PLAGL1: variants seen among roughly 807,000 people sequenced by gnomAD.
PLAGL1 encodes PLAG1 like zinc finger 1, also known as zinc finger protein PLAGL1.
A neutral mutation model predicts 4.6 loss-of-function variants in PLAGL1; 1 was observed. The observed-to-expected ratio is 0.22, with a 90% CI of 0.08 to 1.03. The LOEUF is 1.03. Among genes scored for constraint, PLAGL1 ranks in the 50% least tolerant of loss-of-function variants. PLAGL1 has a pLI of 0.58. For missense variants in PLAGL1, 464 were observed against 570.4 expected (o/e 0.81, Z 1.90); for synonymous variants, 240 against 237.8 (o/e 1.01, Z -0.08).
Position 143,970,666 on chromosome 6 carries a change from C to T in PLAGL1, c.-543-1688G>A, listed in dbSNP as rs972487928. 2.0e-5 allele frequency among the ~76,000 whole-genome samples: 3 copies of T among 152,104 alleles called. No individual in the cohort carries two copies. Among genetic ancestry groups the T allele is most frequent in the African/African-American group, 4.8e-5 (2 of 41,410 alleles). On this transcript the variant is annotated intron_variant, in intron 2 of 7. Transcript: ENST00000674357. The surrounding 1 kb of genome is among the most constrained non-coding windows in gnomAD (Gnocchi z 5.8). ...ATTTTTCTACTAGGAAGTTAGCTTA[C>T]GTAGATTAACACACATGTAAACACA...
intron 6 of PLAGL1, among the ~76,000 whole-genome samples, chr6:143,956,037 G>C (rs1021121361): frequency 6.6e-6 from 1 of 152,236 alleles, no homozygotes; most frequent in Non-Finnish European, 1.5e-5. Context: ...GGCCAGCAAG[G>C]AGACGTGAAG....
In PLAGL1 at chr6:144,006,746, T is replaced by C. The variant is rs1365081556; in HGVS notation, c.-584+1344A>G. The C allele has an allele frequency of 6.6e-6, 1 of 152,224 alleles. No individual in the cohort carries two copies. The highest frequency in any genetic ancestry group is 1.5e-5 in the Non-Finnish European group (1 of 68,042). 9.4% of individuals were successfully genotyped at this position (152,224 alleles called of 1,614,324 possible). On this transcript the variant is annotated intron_variant, in intron 1 of 7. Coordinates refer to ENST00000674357, the MANE Select transcript of PLAGL1 (RefSeq NM_001317162.2). The surrounding 1 kb of genome is among the most constrained non-coding windows in gnomAD (Gnocchi z 4.3). ...TCTGCCATTACAGTCAACCTTCTTGTACACGTCTGCTTGTGGACATGTATT... is the reference window on the plus strand; with the variant it reads ...TCTGCCATTACAGTCAACCTTCTTGCACACGTCTGCTTGTGGACATGTATT...
rs1554268522 is a variant in PLAGL1, at chr6:143,997,857, CG to C, written c.-584+10232del. On this transcript the variant is annotated intron_variant, in intron 1 of 7. Coordinates refer to ENST00000674357, the MANE Select transcript of PLAGL1 (RefSeq NM_001317162.2). The surrounding 1 kb of genome is among the most constrained non-coding windows in gnomAD (Gnocchi z 4.6). ...TCTTGAATGTGGTTACACAGGTGTG[CG>C]TATGTGTGTGTGTGTATAAACTCAT... Among the ~76,000 whole-genome samples the C allele has an allele frequency of 6.6e-6, 1 of 151,926 alleles. No individual in the cohort carries two copies. Among genetic ancestry groups the C allele is most frequent in the Non-Finnish European group, 1.5e-5 (1 of 67,996 alleles).
chr6:144,059,616 T>C lies in PLAGL1; in HGVS notation c.-151+4852A>G, dbSNP rs1230360114. Among the ~76,000 whole-genome samples, 1 of 152,242 alleles carries C rather than the reference T, an allele frequency of 6.6e-6. No homozygotes were observed. The highest frequency in any genetic ancestry group is 1.5e-5 in the Non-Finnish European group (1 of 68,036). ...TTGTAACTTTCCCAGATATTTTTAATATATTTAGGAAATGTATTCAGCAAA... is the reference window on the plus strand; with the variant it reads ...TTGTAACTTTCCCAGATATTTTTAACATATTTAGGAAATGTATTCAGCAAA... On this transcript the variant is annotated intron_variant, in intron 1 of 3. Coordinates refer to the PLAGL1 transcript ENST00000437412. The surrounding 1 kb of genome is among the most constrained non-coding windows in gnomAD (Gnocchi z 4.9).
intron 1 of PLAGL1, among the ~76,000 whole-genome samples, chr6:144,020,309 G>A (rs548761639): frequency 1.3e-5 from 2 of 150,996 alleles, no homozygotes; most frequent in East Asian, 1.9e-4. Context: ...TTGTTTAGAC[G>A]GAGTCGCTCG....
intron 1 of PLAGL1, among the ~76,000 whole-genome samples, chr6:144,035,713 G>A (rs1032155940): frequency 6.6e-6 from 1 of 152,142 alleles, no homozygotes; most frequent in Admixed American, 6.5e-5. Context: ...GGTGAGACTA[G>A]AACAAAATGC....
At position 144,019,036 on chromosome 6, in the gene PLAGL1, AAAC is replaced by A. The variant is rs201866873; in HGVS notation, c.-151+45429_-151+45431del. On this transcript the variant is annotated intron_variant, in intron 1 of 3. Transcript: ENST00000437412. ...GGTACAGAGAAAGACCCTATATTTA[AAAC>A]AACAACAACAACAACAAACTAGACT... Among the ~76,000 whole-genome samples, 67 of 152,180 alleles carry A rather than the reference AAAC, an allele frequency of 4.4e-4. 1 individual carries two copies. The East Asian group carries it at 0.011, about 25-fold the overall frequency.
At position 143,957,379 on chromosome 6, in the gene PLAGL1, C is replaced by G. The variant is rs1197792140; in HGVS notation, c.-325+3090G>C. ...TTAGGGGAAGATTTTCTAATTGTTA[C>G]AGTCAGGAATGGGGATCATTCCTTT... On this transcript the variant is annotated intron_variant, in intron 6 of 7. Coordinates refer to ENST00000674357, the MANE Select transcript of PLAGL1 (RefSeq NM_001317162.2). The surrounding 1 kb of genome is among the most constrained non-coding windows in gnomAD (Gnocchi z 4.2). Among the ~76,000 whole-genome samples the G allele has an allele frequency of 6.6e-6, 1 of 152,192 alleles. No individual in the cohort carries two copies. The highest frequency in any genetic ancestry group is 1.5e-5 in the Non-Finnish European group (1 of 68,028).
At chr6:144,010,873 A>T (rs916501897), upstream of PLAGL1, among the ~76,000 whole-genome samples, 3 of 152,242 alleles carry the variant, frequency 2.0e-5, no homozygotes, top group African/African-American at 7.2e-5. The surrounding 1 kb of genome is among the most constrained non-coding windows in gnomAD (Gnocchi z 4.1). Flanking sequence ...CCTAGTTAAT[A>T]AATGGTGTTG....
At chr6:143,969,888 C>T (rs1013855738) in intron 2 of PLAGL1, among the ~76,000 whole-genome samples, 92 of 151,942 alleles carry the variant, frequency 6.1e-4, no homozygotes, top group African/African-American at 2.1e-3. Flanking sequence ...CCCAATCATT[C>T]ACCTTGAGAT....
rs1397547632 is a variant in PLAGL1, at chr6:143,950,678, G to C, written c.-324-2218C>G. ...CTTCAGAGAAGGAGCTGCTTTGTTGGGGAAGGTTTTACATTTCTCTCACCT... is the reference window on the plus strand; with the variant it reads ...CTTCAGAGAAGGAGCTGCTTTGTTGCGGAAGGTTTTACATTTCTCTCACCT... On this transcript the variant is annotated intron_variant, in intron 6 of 7. Coordinates refer to ENST00000674357, the MANE Select transcript of PLAGL1 (RefSeq NM_001317162.2). The surrounding 1 kb of genome is among the most constrained non-coding windows in gnomAD (Gnocchi z 6.3). Among the ~76,000 whole-genome samples the C allele has an allele frequency of 6.6e-6, 1 of 152,122 alleles. No homozygotes were observed. Among genetic ancestry groups the C allele is most frequent in the African/African-American group, 2.4e-5 (1 of 41,420 alleles).
Position 143,959,369 on chromosome 6 carries a change from C to A in PLAGL1, c.-325+1100G>T, listed in dbSNP as rs189365167. On this transcript the variant is annotated intron_variant, in intron 6 of 7. Coordinates refer to ENST00000674357, the MANE Select transcript of PLAGL1 (RefSeq NM_001317162.2). The surrounding 1 kb of genome is among the most constrained non-coding windows in gnomAD (Gnocchi z 5.3). ...CATTCCAGGATCTTCCTGGCTAGCA[C>A]TCCTAGTCTTCTAATGTCAGGCACA... Among the ~76,000 whole-genome samples the A allele has an allele frequency of 2.0e-5, 3 of 152,236 alleles. No homozygotes were observed. The highest frequency in any genetic ancestry group is 1.9e-4 in the East Asian group (1 of 5,182).
At chr6:144,025,917 C>G (rs774883821) in intron 1 of PLAGL1, among the ~76,000 whole-genome samples, 17 of 151,956 alleles carry the variant, frequency 1.1e-4, no homozygotes, top group Non-Finnish European at 2.4e-4. Context: ...ATAAATAACA[C>G]CTACTTGCCC....
Position 144,028,532 on chromosome 6 carries a change from A to G in PLAGL1, c.-151+35936T>C, listed in dbSNP as rs372503982. Among the ~76,000 whole-genome samples the G allele has an allele frequency of 2.0e-5, 3 of 152,316 alleles. No homozygotes were observed. In the East Asian group the frequency reaches 5.8e-4, roughly 29 times the overall value. On this transcript the variant is annotated intron_variant, in intron 1 of 3. Transcript: ENST00000437412. The stretch of plus-strand genomic sequence containing the variant: ...CACTAATAATTTTAAAAGGAGAAAT[A>G]AAGATTTACTGTTAAGTGCTAATTT...
chr6:144,009,267 G>A (rs1794942256), upstream of PLAGL1, among the ~76,000 whole-genome samples: 1 of 152,170 alleles, frequency 6.6e-6, no homozygotes, highest in African/African-American at 2.4e-5. Flanking sequence ...TCCAGATGTT[G>A]TCTTAATTCT....
Position 143,941,334 on chromosome 6 carries a change from G to C in PLAGL1, c.*90C>G. 1 of 1,051,834 alleles carries C rather than the reference G, an allele frequency of 9.5e-7. No individual in the cohort carries two copies. Among genetic ancestry groups the C allele is most frequent in the South Asian group, 1.9e-5 (1 of 52,320 alleles). 65.2% of individuals were successfully genotyped at this position (1,051,834 alleles called of 1,614,324 possible). ...CTGAATAAGCCATAGTCCCAGTCTCGTTTTCCAAATCTTTCTCATATTGTA... is the reference window on the plus strand; with the variant it reads ...CTGAATAAGCCATAGTCCCAGTCTCCTTTTCCAAATCTTTCTCATATTGTA... On this transcript the variant is annotated 3_prime_UTR_variant, in exon 8 of 8. Coordinates refer to ENST00000674357, the MANE Select transcript of PLAGL1 (RefSeq NM_001317162.2). This position sits in a 1 kb window ranked among gnomAD's most constrained non-coding sequence, Gnocchi z 6.0.
chr6:144,013,559 A>G lies in PLAGL1; in HGVS notation c.-150-44581T>C, dbSNP rs1229457344. Among the ~76,000 whole-genome samples the G allele has an allele frequency of 1.3e-5, 2 of 152,250 alleles. No homozygotes were observed. Among genetic ancestry groups the G allele is most frequent in the Non-Finnish European group, 2.9e-5 (2 of 68,032 alleles). Reference sequence around the variant, plus strand: ...ATTTATTTTCTGAGTCCGAAAGGCCAGAAGTCTGAAATCAAGATATCAGCA... The same window carrying G: ...ATTTATTTTCTGAGTCCGAAAGGCCGGAAGTCTGAAATCAAGATATCAGCA... On this transcript the variant is annotated intron_variant, in intron 1 of 3. Coordinates refer to the PLAGL1 transcript ENST00000437412. This position sits in a 1 kb window ranked among gnomAD's most constrained non-coding sequence, Gnocchi z 4.4.
Position 144,002,249 on chromosome 6 carries a change from G to A in PLAGL1, c.-584+5841C>T, listed in dbSNP as rs369659633. ...CTCATTTGCGAAAGCAATTCTCAGT[G>A]AACTAGAAACAGAAGAAAATTTCCT... On this transcript the variant is annotated intron_variant, in intron 1 of 7. Transcript: ENST00000674357. 1.4e-4 allele frequency among the ~76,000 whole-genome samples: 21 copies of A among 152,218 alleles called. No individual in the cohort carries two copies. In the East Asian group the frequency reaches 3.9e-3, roughly 28 times the overall value.
intron 1 of PLAGL1, among the ~76,000 whole-genome samples, chr6:144,046,824 G>T (rs1230617510): frequency 6.6e-6 from 1 of 152,186 alleles, no homozygotes; most frequent in Non-Finnish European, 1.5e-5. Context: ...AGGCAGGCAG[G>T]CCTCATTGAG....
Sources: gnomAD v4.1 joint callset for allele counts (sites outside exome capture counted in the v4.1 genomes callset) on GRCh38, gnomAD v4.1.1 for gene constraint, Gnocchi (gnomAD v3.1) non-coding constraint, MANE v1.5 for transcripts, NCBI Gene and HGNC (gene_info 2026-07-23, HGNC 2026-07-21) for gene names.